Variants in STAB2 observed in about 807,000 individuals in gnomAD.
STAB2 encodes the protein stabilin-2.
Under a neutral mutation model 338.1 loss-of-function variants are expected in STAB2, and 288 were observed. The ratio of observed to expected loss-of-function variants is 0.85; its 90% CI spans 0.77 to 0.94. STAB2 has a LOEUF of 0.94. Ranked by LOEUF, STAB2 falls within the 40% of genes least tolerant of loss-of-function variation. The pLI is 0.00. For missense variants in STAB2, 3,141 were observed against 3,210.1 expected, an observed-to-expected ratio of 0.98 and a Z score of 0.52; for synonymous variants, 1,202 against 1,193.3, an observed-to-expected ratio of 1.01 and a Z score of -0.15.
chr12:103,696,390 A>G lies in STAB2; in HGVS notation c.3582+546A>G, dbSNP rs554602986. On this transcript the variant is annotated intron_variant, in intron 33 of 68. Coordinates refer to ENST00000388887, the MANE Select transcript of STAB2 (RefSeq NM_017564.10). The stretch of plus-strand genomic sequence containing the variant: ...TGCTTGCCGTGCAAATCCAGCTTCA[A>G]ATGTGTCTTCTCATGTGGGGTTGGG... 3.3e-5 allele frequency among the ~76,000 whole-genome samples: 5 copies of G among 152,220 alleles called. No homozygotes were observed. The East Asian group carries it at 9.7e-4, about 29-fold the overall frequency.
chr12:103,643,096 G>T (rs1365670109), intron 9 of STAB2, among the ~76,000 whole-genome samples: 1 of 152,080 alleles, frequency 6.6e-6, no homozygotes, highest in Non-Finnish European at 1.5e-5. Context: ...TCAGGATCTG[G>T]TGAAGCCTGA....
intron 6 of STAB2, 104 bp downstream of exon 6, chr12:103,631,797 T>C (rs1317596019): frequency 9.6e-7 from 1 of 1,044,626 alleles, no homozygotes; most frequent in Non-Finnish European, 1.4e-6. Flanking sequence ...GGCAAGGTAC[T>C]ACCAAAAGTT....
chr12:103,602,147 TAC>T (rs1956963710), intron 3 of STAB2, among the ~76,000 whole-genome samples: 1 of 152,186 alleles, frequency 6.6e-6, no homozygotes, highest in Admixed American at 6.5e-5. Context: ...CCCTGGAAAA[TAC>T]TAACCTGTTT....
At chr12:103,744,484 T>A (rs1477702971) in intron 56 of STAB2, among the ~76,000 whole-genome samples, 2 of 90,648 alleles carry the variant, frequency 2.2e-5, no homozygotes, top group East Asian at 4.5e-4. Context: ...TTTTTTTTTT[T>A]AAGACAGGGT....
intron 63 of STAB2, among the ~76,000 whole-genome samples, chr12:103,756,515 T>G (rs1884113321): frequency 6.6e-6 from 1 of 152,212 alleles, no homozygotes; most frequent in South Asian, 2.1e-4. Flanking sequence ...CTCCTGCAAC[T>G]GTATAAGGCC....
intron 66 of STAB2, among the ~76,000 whole-genome samples, chr12:103,761,931 T>C (rs900392478): frequency 2.0e-5 from 3 of 152,038 alleles, no homozygotes; most frequent in Admixed American, 2.0e-4. Context: ...TGCTGGAGAG[T>C]TCCACAGCAT....
intron 55 of STAB2, 113 bp from the exon 56 acceptor site, chr12:103,742,292 G>A: frequency 1.4e-6 from 2 of 1,402,244 alleles, no homozygotes; most frequent in South Asian, 2.7e-5. Context: ...TGACACTGAA[G>A]GCGATGGTCC....
Position 103,659,364 on chromosome 12 carries a change from C to G in STAB2, c.1735-967C>G, listed in dbSNP as rs1874429806. ...AGAGAGGAGGCTGGGTGAGGAAACT[C>G]AGGTTCAGCAGGGCTTTCTCTTAGC... On this transcript the variant is annotated intron_variant, in intron 15 of 68. Coordinates refer to ENST00000388887, the MANE Select transcript of STAB2 (RefSeq NM_017564.10). Among the ~76,000 whole-genome samples, 5 of 152,216 alleles carry G rather than the reference C, an allele frequency of 3.3e-5. 1 individual carries two copies. The South Asian group carries it at 1.0e-3, about 32-fold the overall frequency.
intron 42 of STAB2, among the ~76,000 whole-genome samples, chr12:103,715,097 C>T (rs1880198303): frequency 1.3e-5 from 2 of 152,148 alleles, no homozygotes; most frequent in Non-Finnish European, 2.9e-5. Flanking sequence ...ATATCCTCCA[C>T]CTCGCCAACT....
At chr12:103,683,896 C>T (rs929414935) in intron 26 of STAB2, among the ~76,000 whole-genome samples, 3 of 152,126 alleles carry the variant, frequency 2.0e-5, no homozygotes, top group Non-Finnish European at 4.4e-5. Flanking sequence ...ATGCCTTAAT[C>T]ACAGTGTTTG....
At position 103,677,576 on chromosome 12, in the gene STAB2, G is replaced by A. The variant is rs759097550; in HGVS notation, c.2770G>A (p.Asp924Asn). 10 of 1,613,890 alleles carry A rather than the reference G, an allele frequency of 6.2e-6. No homozygotes were observed. The highest frequency in any genetic ancestry group is 4.5e-5 in the East Asian group (2 of 44,878). The change falls in exon 25 of 69, where the codon GAC becomes AAC. Residue 924 changes from aspartate (D) to asparagine (N), a missense_variant. Coordinates refer to ENST00000388887, the MANE Select transcript of STAB2 (RefSeq NM_017564.10). ...CLLPSAGGCH[D>N]NASCLYVGPG... ...GCTGCCCAGTGCAGGCGGCTGCCAC[G>A]ACAACGCATCCTGTTTGTATGTGGG...
At chr12:103,688,564 A>G (rs1877639657) in intron 28 of STAB2, among the ~76,000 whole-genome samples, 1 of 152,210 alleles carries the variant, frequency 6.6e-6, no homozygotes, top group Admixed American at 6.5e-5. Context: ...TATAGCTGCA[A>G]TCTGACATAC....
chr12:103,672,714 T>C (rs1015674373), intron 22 of STAB2, among the ~76,000 whole-genome samples: 1 of 152,240 alleles, frequency 6.6e-6, no homozygotes, highest in East Asian at 1.9e-4. Flanking sequence ...TGTCCTTCTT[T>C]CCACTTTCAC....
chr12:103,625,150 G>A (rs112256043), intron 5 of STAB2, among the ~76,000 whole-genome samples: 145 of 152,240 alleles, frequency 9.5e-4, no homozygotes, highest in African/African-American at 2.9e-3. Flanking sequence ...AGCATCCAGC[G>A]TTGCTTAGTT....
chr12:103,669,485 G>A, intron 20 of STAB2, 56 bp from the exon 21 acceptor site: 4 of 1,410,510 alleles, frequency 2.8e-6, no homozygotes, highest in Non-Finnish European at 4.0e-6. Context: ...CATCCCCTTT[G>A]AGGAATTGGT....
chr12:103,709,077 T>C (rs1490109486), intron 39 of STAB2, among the ~76,000 whole-genome samples: 1 of 152,146 alleles, frequency 6.6e-6, no homozygotes, highest in Non-Finnish European at 1.5e-5. Flanking sequence ...TGCCAGGTTG[T>C]CCTCCGGAGG....
intron 38 of STAB2, among the ~76,000 whole-genome samples, chr12:103,707,649 A>G (rs1879481956): frequency 6.6e-6 from 1 of 152,230 alleles, no homozygotes; most frequent in Non-Finnish European, 1.5e-5. Flanking sequence ...CCTTGTGTCC[A>G]GGAACACACA....
At chr12:103,711,749 C>T (rs1183713842) in intron 40 of STAB2, among the ~76,000 whole-genome samples, 1 of 152,186 alleles carries the variant, frequency 6.6e-6, no homozygotes, top group East Asian at 1.9e-4. Flanking sequence ...CGAAAATGCC[C>T]ACTGTTACCC....
intron 3 of STAB2, among the ~76,000 whole-genome samples, chr12:103,611,985 T>C (rs1426949703): frequency 1.2e-4 from 18 of 152,318 alleles, no homozygotes; most frequent in Non-Finnish European, 2.6e-4. Context: ...GGTTGAAAAT[T>C]CTTTTCTTTA....
Sources: allele counts gnomAD v4.1 joint callset (sites outside exome capture counted in the v4.1 genomes callset), GRCh38; gene constraint gnomAD v4.1.1; transcripts MANE v1.5; gene names NCBI Gene and HGNC (gene_info 2026-07-23, HGNC 2026-07-21).